The following NXPH1 variants were observed in gnomAD, a reference collection of about 807,000 sequenced individuals.
NXPH1 encodes the protein neurexophilin 1.
In NXPH1, 5 loss-of-function variants were observed where a neutral mutation model predicts 23.7. The observed-to-expected ratio is 0.21, with a 90% CI of 0.11 to 0.44. The LOEUF (loss-of-function observed/expected upper bound fraction) is 0.44. Ranked by LOEUF, NXPH1 falls within the 20% of genes least tolerant of loss-of-function variation. The probability of loss-of-function intolerance (pLI) is 0.99; values close to 1 mark genes in which losing one functional copy is unlikely to be tolerated. For synonymous variants in NXPH1, 144 were observed against 122.2 expected (o/e 1.18, Z -1.18); for missense variants, 324 against 321.6 (o/e 1.01, Z -0.06).
At position 8,679,169 on chromosome 7, in the gene NXPH1, A is replaced by G. The variant is rs375183662; in HGVS notation, c.55-71839A>G. 6.8e-3 allele frequency among the ~76,000 whole-genome samples: 1,025 copies of G among 151,646 alleles called. 12 individuals are homozygous for G. The highest frequency in any genetic ancestry group is 0.023 in the African/African-American group (934 of 41,374). On this transcript the variant is annotated intron_variant, in intron 2 of 2. Transcript: ENST00000405863. ...TCACCGTGTTAGCCAGGATGGTCTC[A>G]ATCTCCTGACCTCGTGATCCGCCCA...
At chr7:8,676,048 A>C in intron 2 of NXPH1, among the ~76,000 whole-genome samples, 1 of 152,138 alleles carries the variant, frequency 6.6e-6, no homozygotes, top group East Asian at 1.9e-4. Flanking sequence ...TGTTTTTCTT[A>C]ACAATTTAAC....
rs549718263 is a variant in NXPH1 at position 8,549,325 on chromosome 7, T to C, written c.54+113558T>C. Among the ~76,000 whole-genome samples the C allele has an allele frequency of 1.1e-4, 17 of 151,662 alleles. No individual in the cohort carries two copies. In the South Asian group the frequency reaches 1.7e-3, roughly 15 times the overall value. ...ATGAGCCAAAATGAAATGTAATTAT[T>C]TTAAATCGTTCCTATTGGACTGTAT... On this transcript the variant is annotated intron_variant, in intron 2 of 2. Coordinates refer to ENST00000405863, the MANE Select transcript of NXPH1 (RefSeq NM_152745.3).
chr7:8,652,026 T>C (rs1302335899), intron 2 of NXPH1, among the ~76,000 whole-genome samples: 1 of 152,164 alleles, frequency 6.6e-6, no homozygotes, highest in Admixed American at 6.6e-5. Context: ...TTCTTTTTGG[T>C]AAATCTTAGA....
At chr7:8,511,337 G>T (rs1218075589) in intron 2 of NXPH1, among the ~76,000 whole-genome samples, 3 of 152,056 alleles carry the variant, frequency 2.0e-5, no homozygotes, top group Non-Finnish European at 4.4e-5. Flanking sequence ...GACAGAGGCT[G>T]CCAGCCACAA....
At chr7:8,690,351 C>A (rs924358534) in intron 2 of NXPH1, 1 of 152,176 alleles carries the variant, frequency 6.6e-6, no homozygotes. Context: ...ATTTGGTGAG[C>A]TATTTATTTT....
intron 2 of NXPH1, among the ~76,000 whole-genome samples, chr7:8,549,398 C>T (rs942801615): frequency 2.6e-5 from 4 of 151,546 alleles, no homozygotes; most frequent in African/African-American, 4.8e-5. Context: ...ACTTGTGAAT[C>T]CTCATTTATC....
intron 2 of NXPH1, among the ~76,000 whole-genome samples, chr7:8,736,717 T>C (rs1285371151): frequency 6.6e-6 from 1 of 152,190 alleles, no homozygotes; most frequent in Non-Finnish European, 1.5e-5. Context: ...CTGTCTAATA[T>C]TGACAGTGGG....
At chr7:8,483,096 AT>A (rs1262512487) in intron 2 of NXPH1, among the ~76,000 whole-genome samples, 1 of 152,150 alleles carries the variant, frequency 6.6e-6, no homozygotes, top group Non-Finnish European at 1.5e-5. Flanking sequence ...CTGCTTCTCT[AT>A]TTCCTAGACT....
intron 2 of NXPH1, among the ~76,000 whole-genome samples, chr7:8,738,449 G>A (rs1780300594): frequency 6.6e-6 from 1 of 152,186 alleles, no homozygotes; most frequent in South Asian, 2.1e-4. Flanking sequence ...ATCACCAGAG[G>A]AGGCTGCAGA....
chr7:8,505,118 T>C (rs1817500742), intron 2 of NXPH1, among the ~76,000 whole-genome samples: 1 of 152,028 alleles, frequency 6.6e-6, no homozygotes, highest in South Asian at 2.1e-4. Flanking sequence ...TTTGGTTAAA[T>C]GTCTGATTTT....
chr7:8,559,365 C>T (rs1374681148), intron 2 of NXPH1, among the ~76,000 whole-genome samples: 2 of 151,734 alleles, frequency 1.3e-5, no homozygotes, highest in Non-Finnish European at 3.0e-5. Context: ...CTTAGAAGAT[C>T]TGTATTTACA....
chr7:8,488,318 C>G (rs952616478), intron 2 of NXPH1, among the ~76,000 whole-genome samples: 5 of 152,110 alleles, frequency 3.3e-5, no homozygotes, highest in African/African-American at 4.8e-5. Context: ...ATAATGTGAT[C>G]TGTCAGTTTA....
intron 2 of NXPH1, among the ~76,000 whole-genome samples, chr7:8,553,435 A>G (rs1348176583): frequency 2.6e-5 from 4 of 151,374 alleles, no homozygotes; most frequent in East Asian, 2.0e-4. Context: ...TGGCTGGTAC[A>G]TAATCATTAG....
At chr7:8,563,263 A>AC (rs764292900) in intron 2 of NXPH1, among the ~76,000 whole-genome samples, 19 of 151,756 alleles carry the variant, frequency 1.3e-4, no homozygotes, top group Non-Finnish European at 2.7e-4. Context: ...GAGAAGAAAA[A>AC]CATTGTTGTG....
intron 2 of NXPH1, among the ~76,000 whole-genome samples, chr7:8,750,186 T>C (rs1299040068): frequency 2.6e-5 from 4 of 152,244 alleles, no homozygotes; most frequent in Non-Finnish European, 4.4e-5. Flanking sequence ...AGTAAACATG[T>C]TATTTTGTTT....
chr7:8,564,952 C>T (rs1818513234), intron 2 of NXPH1, among the ~76,000 whole-genome samples: 1 of 151,754 alleles, frequency 6.6e-6, no homozygotes, highest in Non-Finnish European at 1.5e-5. Flanking sequence ...CTCTTATTTG[C>T]TGGACTGTGT....
Position 8,552,877 on chromosome 7 carries a change from A to T in NXPH1, c.54+117110A>T, listed in dbSNP as rs576950894. 4.0e-5 allele frequency among the ~76,000 whole-genome samples: 6 copies of T among 151,740 alleles called. No individual in the cohort carries two copies. In the South Asian group the frequency reaches 1.2e-3, roughly 31 times the overall value. ...CATTTCAAGCAAATCAGATTGGAAG[A>T]AATTATTTTTTCCTTTTTTAAAAGA... On this transcript the variant is annotated intron_variant, in intron 2 of 2. Coordinates refer to ENST00000405863, the MANE Select transcript of NXPH1 (RefSeq NM_152745.3).
intron 2 of NXPH1, among the ~76,000 whole-genome samples, chr7:8,734,238 T>A (rs1780206828): frequency 6.6e-6 from 1 of 152,212 alleles, no homozygotes; most frequent in Non-Finnish European, 1.5e-5. Context: ...TTTATATAAC[T>A]GTTTTGGTAC....
intron 2 of NXPH1, among the ~76,000 whole-genome samples, chr7:8,622,472 T>G (rs373212036): frequency 2.0e-5 from 3 of 152,304 alleles, no homozygotes; most frequent in South Asian, 2.1e-4. Context: ...CTTGGCATTT[T>G]ATATGTATTG....
Sources: gnomAD v4.1 joint callset for allele counts (sites outside exome capture counted in the v4.1 genomes callset) on GRCh38, gnomAD v4.1.1 for gene constraint, MANE v1.5 for transcripts, NCBI Gene and HGNC (gene_info 2026-07-23, HGNC 2026-07-21) for gene names.